Variants in DOCK3 observed in about 807,000 individuals in gnomAD.
DOCK3 encodes the protein dedicator of cytokinesis 3.
Under a neutral mutation model 265.6 loss-of-function variants are expected in DOCK3, and 60 were observed. That is an observed-to-expected ratio of 0.23 (90% confidence interval 0.18 to 0.28). The LOEUF (loss-of-function observed/expected upper bound fraction) is 0.28. Among genes scored for constraint, DOCK3 ranks in the 10% least tolerant of loss-of-function variants. The pLI, the probability that DOCK3 is intolerant of heterozygous loss-of-function variation, is 1.00. For missense variants in DOCK3, 1,981 were observed against 2,594.3 expected (o/e 0.76, Z 5.14); for synonymous variants, 881 against 938.0 (o/e 0.94, Z 1.11).
At chr3:51,344,346 C>A (rs1404320874) in intron 38 of DOCK3, among the ~76,000 whole-genome samples, 1 of 152,158 alleles carries the variant, frequency 6.6e-6, no homozygotes, top group African/African-American at 2.4e-5. Context: ...TTAGGCCAGG[C>A]AAGGTGGCTC....
At chr3:51,144,805 A>G (rs2085224495) in intron 9 of DOCK3, among the ~76,000 whole-genome samples, 1 of 152,238 alleles carries the variant, frequency 6.6e-6, no homozygotes, top group African/African-American at 2.4e-5. Flanking sequence ...GACGGACCAA[A>G]TGAATACACG....
intron 21 of DOCK3, among the ~76,000 whole-genome samples, chr3:51,242,758 TGGTGGTGGGAGCAG>T (rs1302985479): frequency 1.6e-4 from 24 of 152,050 alleles, no homozygotes; most frequent in Non-Finnish European, 3.2e-4. Context: ...CCATCTGCAA[TGGTGGTGGGAGCAG>T]GGGACAGGCT....
intron 7 of DOCK3, among the ~76,000 whole-genome samples, chr3:51,084,917 A>G (rs111847724): frequency 7.0e-4 from 106 of 152,298 alleles, no homozygotes; most frequent in African/African-American, 2.5e-3. Context: ...AGACCCAACT[A>G]TATGTTCTCT....
intron 2 of DOCK3, among the ~76,000 whole-genome samples, chr3:50,807,085 G>A (rs562243611): frequency 3.9e-5 from 6 of 152,160 alleles, no homozygotes; most frequent in East Asian, 1.9e-4. Context: ...TGCATTCTTC[G>A]GAATCCAGTC....
intron 3 of DOCK3, among the ~76,000 whole-genome samples, chr3:50,847,671 G>GC (rs1240226593): frequency 2.4e-4 from 36 of 152,030 alleles, no homozygotes; most frequent in African/African-American, 8.4e-4. Context: ...ATCATTTGTG[G>GC]CCAGGAGTTC....
intron 5 of DOCK3, among the ~76,000 whole-genome samples, chr3:51,010,556 G>A (rs879758251): frequency 5.9e-5 from 9 of 152,030 alleles, no homozygotes; most frequent in Admixed American, 1.3e-4. Flanking sequence ...ACACTGTTGG[G>A]TCTTGACTCT....
intron 9 of DOCK3, among the ~76,000 whole-genome samples, chr3:51,095,594 G>A (rs1398412213): frequency 6.6e-6 from 1 of 151,944 alleles, no homozygotes. Context: ...ATTGTCTAGT[G>A]CAAAATGCAG....
At chr3:50,913,314 G>C (rs28762180) in intron 4 of DOCK3, among the ~76,000 whole-genome samples, 1 of 151,838 alleles carries the variant, frequency 6.6e-6, no homozygotes, top group African/African-American at 2.4e-5. Context: ...TCTTGCTGTG[G>C]TTGAGCTGTT....
At chr3:50,871,498 T>G (rs2047430382) in intron 3 of DOCK3, among the ~76,000 whole-genome samples, 1 of 152,090 alleles carries the variant, frequency 6.6e-6, no homozygotes, top group Admixed American at 6.5e-5. Flanking sequence ...CTTGAGGTAG[T>G]CCTCTGTGGG....
rs974669735 is a variant in DOCK3, at chr3:51,085,320, G to A, written c.550-3923G>A. ...GCTTACTCTGTTCTATAGAACAAAT[G>A]TACTTAACAGACATTACAAAATATT... On this transcript the variant is annotated intron_variant, in intron 7 of 52. Transcript: ENST00000266037. Among the ~76,000 whole-genome samples, 4 of 152,220 alleles carry A rather than the reference G, an allele frequency of 2.6e-5. No individual in the cohort carries two copies. The East Asian group carries it at 5.8e-4, about 22-fold the overall frequency.
chr3:51,169,395 A>G (rs754890043), intron 12 of DOCK3, among the ~76,000 whole-genome samples: 7 of 152,250 alleles, frequency 4.6e-5, no homozygotes, highest in Non-Finnish European at 7.3e-5. Context: ...ACCATGGAAT[A>G]CTATGCAATC....
At position 51,236,341 on chromosome 3, in the gene DOCK3, T is replaced by G. The variant is rs2078348834; in HGVS notation, c.1918-4T>G. 3.1e-6 allele frequency: 5 copies of G among 1,612,262 alleles called. No homozygotes were observed. The highest frequency in any genetic ancestry group is 4.2e-6 in the Non-Finnish European group (5 of 1,178,350). On this transcript the variant is annotated splice_polypyrimidine_tract_variant and splice_region_variant and intron_variant, in intron 19 of 52. Coordinates refer to ENST00000266037, the MANE Select transcript of DOCK3 (RefSeq NM_004947.5). Reference sequence around the variant, plus strand: ...TGAGCCCTCTGCTTTTTATGTTGTTTTAGTTTCTGCAGGACATCTTAGATA... The same window carrying G: ...TGAGCCCTCTGCTTTTTATGTTGTTGTAGTTTCTGCAGGACATCTTAGATA...
chr3:50,973,290 C>G (rs13433690), intron 5 of DOCK3, among the ~76,000 whole-genome samples: 1 of 130,266 alleles, frequency 7.7e-6, no homozygotes, highest in Admixed American at 8.4e-5. Context: ...CCTCCCCCCT[C>G]CCCCCACCCC....
chr3:51,125,209 T>C (rs2106822686), intron 9 of DOCK3, among the ~76,000 whole-genome samples: 1 of 152,296 alleles, frequency 6.6e-6, no homozygotes, highest in Admixed American at 6.5e-5. Context: ...ATTCTTATAT[T>C]TTCAATGTTT....
intron 23 of DOCK3, among the ~76,000 whole-genome samples, chr3:51,260,631 C>T (rs530151309): frequency 2.0e-5 from 3 of 152,172 alleles, no homozygotes; most frequent in African/African-American, 7.2e-5. Flanking sequence ...TTTATGAACA[C>T]CTTATTCATA....
chr3:51,090,429 T>G, intron 9 of DOCK3, 45 bp downstream of exon 9: 1 of 1,560,654 alleles, frequency 6.4e-7, no homozygotes. Context: ...GTTAGGATGG[T>G]ATGGGTCATA....
chr3:50,739,909 C>T (rs1176339677), intron 1 of DOCK3, among the ~76,000 whole-genome samples: 1 of 152,034 alleles, frequency 6.6e-6, no homozygotes, highest in Non-Finnish European at 1.5e-5. Flanking sequence ...TTAAAGTGTA[C>T]ATTGATAAAT....
chr3:51,177,431 T>A (rs940466619), intron 12 of DOCK3, among the ~76,000 whole-genome samples: 1 of 152,182 alleles, frequency 6.6e-6, no homozygotes, highest in Non-Finnish European at 1.5e-5. Context: ...AGTATTTCTA[T>A]TAGTTAAAAT....
chr3:50,870,263 A>C (rs2047371310), intron 3 of DOCK3, among the ~76,000 whole-genome samples: 1 of 152,150 alleles, frequency 6.6e-6, no homozygotes, highest in Non-Finnish European at 1.5e-5. Context: ...CTTTTGCTCT[A>C]ATAATATTTG....
Sources: allele counts gnomAD v4.1 joint callset (sites outside exome capture counted in the v4.1 genomes callset), GRCh38; gene constraint gnomAD v4.1.1; transcripts MANE v1.5; gene names NCBI Gene and HGNC (gene_info 2026-07-23, HGNC 2026-07-21).